The following LYST variants were observed in gnomAD, a reference collection of about 807,000 sequenced individuals.
The protein encoded by LYST is lysosomal-trafficking regulator.
A neutral mutation model predicts 413.6 loss-of-function variants in LYST; 192 were observed. The observed-to-expected ratio is 0.46, with a 90% CI of 0.41 to 0.52. The LOEUF is 0.52. Ranked by LOEUF, LYST falls within the 20% of genes least tolerant of loss-of-function variation. The pLI, the probability that LYST is intolerant of heterozygous loss-of-function variation, is 0.00. For missense variants in LYST, 3,815 were observed against 4,499.9 expected, an observed-to-expected ratio of 0.85 and a Z score of 4.35; for synonymous variants, 1,525 against 1,567.3, an observed-to-expected ratio of 0.97 and a Z score of 0.64.
chr1:235,786,256 T>G (rs1558242109), intron 14 of LYST, among the ~76,000 whole-genome samples: 1 of 152,110 alleles, frequency 6.6e-6, no homozygotes, highest in Non-Finnish European at 1.5e-5. Context: ...TGCATGAAAA[T>G]GACCAATAGG....
At chr1:235,833,383 CTTAATG>C (rs1676210045) in intron 2 of LYST, among the ~76,000 whole-genome samples, 189 bp downstream of exon 2, 1 of 152,108 alleles carries the variant, frequency 6.6e-6, no homozygotes, top group Non-Finnish European at 1.5e-5. Flanking sequence ...GCTTTTTCCT[CTTAATG>C]TTATGTTCAT....
intron 52 of LYST, among the ~76,000 whole-genome samples, chr1:235,663,490 G>GA (rs767448803): frequency 2.3e-4 from 35 of 151,702 alleles, no homozygotes; most frequent in Non-Finnish European, 1.3e-4. Flanking sequence ...AAGAGAAAAG[G>GA]AAAAAAATGT....
chr1:235,670,195 CA>C (rs1179520111), intron 50 of LYST, among the ~76,000 whole-genome samples: 1 of 152,220 alleles, frequency 6.6e-6, no homozygotes, highest in South Asian at 2.1e-4. Context: ...GCATATTTAC[CA>C]TATGTAGAAA....
At position 235,693,832 on chromosome 1, in the gene LYST, A is replaced by G. The variant is rs373281155; in HGVS notation, c.10565-346T>C. Among the ~76,000 whole-genome samples, 4 of 152,226 alleles carry G rather than the reference A, an allele frequency of 2.6e-5. No individual in the cohort carries two copies. In the East Asian group the frequency reaches 5.8e-4, roughly 22 times the overall value. On this transcript the variant is annotated intron_variant, in intron 46 of 52. Transcript: ENST00000389793. ...TTTCTTTTAAAAATAAATATGAACT[A>G]GATACTATTTAACTTTCTAGATACC... is the stretch of plus-strand genomic sequence containing the variant.
intron 1 of LYST, among the ~76,000 whole-genome samples, chr1:235,860,398 G>C (rs1308372932): frequency 6.6e-6 from 1 of 152,110 alleles, no homozygotes; most frequent in Non-Finnish European, 1.5e-5. Context: ...TCTTGATGTG[G>C]TATATTCTAT....
intron 47 of LYST, among the ~76,000 whole-genome samples, chr1:235,688,759 C>A (rs911035406): frequency 6.6e-6 from 1 of 151,826 alleles, no homozygotes; most frequent in Non-Finnish European, 1.5e-5. Flanking sequence ...CCGAGGCGGG[C>A]GGATCATGAG....
chr1:235,882,246 T>C (rs1041729795), intron 1 of LYST, among the ~76,000 whole-genome samples: 3 of 152,078 alleles, frequency 2.0e-5, no homozygotes, highest in East Asian at 3.9e-4. Flanking sequence ...GCTGAGGGAA[T>C]AGCATAGGAA....
At chr1:235,719,979 C>G (rs1663206792) in intron 40 of LYST, among the ~76,000 whole-genome samples, 1 of 151,792 alleles carries the variant, frequency 6.6e-6, no homozygotes, top group African/African-American at 2.4e-5. Flanking sequence ...AGATAGAGAC[C>G]ATCCTGGCCA....
intron 47 of LYST, among the ~76,000 whole-genome samples, chr1:235,688,391 T>C (rs1029120753): frequency 3.9e-5 from 6 of 152,238 alleles, no homozygotes; most frequent in African/African-American, 1.4e-4. Context: ...TAATCTAATA[T>C]GTGAACTAAA....
chr1:235,730,330 G>T (rs1664253414), intron 36 of LYST, among the ~76,000 whole-genome samples: 1 of 151,886 alleles, frequency 6.6e-6, no homozygotes, highest in South Asian at 2.1e-4. Flanking sequence ...AATAGATGAG[G>T]TAACTGAGAC....
intron 3 of LYST, among the ~76,000 whole-genome samples, chr1:235,814,243 G>A (rs1018155798): frequency 6.6e-6 from 1 of 152,122 alleles, no homozygotes; most frequent in African/African-American, 2.4e-5. Context: ...TATGGAGTCT[G>A]AGACGTCTAT....
chr1:235,693,016 A>C, intron 47 of LYST, among the ~76,000 whole-genome samples: 1 of 150,948 alleles, frequency 6.6e-6, no homozygotes, highest in Admixed American at 6.6e-5. Context: ...GCGACACTCT[A>C]AAATTAAAAA....
intron 14 of LYST, among the ~76,000 whole-genome samples, chr1:235,785,750 C>T (rs1338750742): frequency 1.3e-5 from 2 of 152,160 alleles, no homozygotes; most frequent in Non-Finnish European, 2.9e-5. Flanking sequence ...TAATCCTCTA[C>T]CATGCTACAT....
chr1:235,867,190 C>G (rs1680661220), upstream of LYST, among the ~76,000 whole-genome samples: 1 of 152,218 alleles, frequency 6.6e-6, no homozygotes, highest in Non-Finnish European at 1.5e-5. Flanking sequence ...GGTCGGGGGT[C>G]GTACCCTGGG....
rs148231834 is a variant in LYST at position 235,690,994 on chromosome 1, G to A, written c.10701+2356C>T. ...TGCAGTGGTGCAATCTTGGCTCACT[G>A]CAAGCTCCGCCTCCCGGGTTCACGC... is the stretch of plus-strand genomic sequence containing the variant. On this transcript the variant is annotated intron_variant, in intron 47 of 52. Coordinates refer to ENST00000389793, the MANE Select transcript of LYST (RefSeq NM_000081.4). Among the ~76,000 whole-genome samples, 474 of 151,452 alleles carry A rather than the reference G, an allele frequency of 3.1e-3. 2 individuals carry two copies. The highest frequency in any genetic ancestry group is 0.011 in the African/African-American group (442 of 41,274).
At chr1:235,737,739 T>A (rs1379393111) in intron 31 of LYST, 1 of 194,376 alleles carries the variant, frequency 5.1e-6, no homozygotes, top group African/African-American at 2.4e-5. Context: ...TATTTTAAAA[T>A]ACCTGAGCTC....
intron 31 of LYST, chr1:235,736,317 TAAGA>T (rs1257693648): frequency 2.0e-5 from 3 of 152,104 alleles, no homozygotes; most frequent in Non-Finnish European, 4.4e-5. Context: ...AAGAAGGTTC[TAAGA>T]AGGAAGAGTT....
intron 42 of LYST, chr1:235,712,474 A>G (rs1662473841): frequency 2.3e-6 from 1 of 438,536 alleles, no homozygotes; most frequent in Non-Finnish European, 3.2e-6. Flanking sequence ...CTATCAAAGT[A>G]GAATGAAAGT....
At chr1:235,706,201 A>G (rs1249581509) in intron 44 of LYST, among the ~76,000 whole-genome samples, 1 of 152,172 alleles carries the variant, frequency 6.6e-6, no homozygotes, top group African/African-American at 2.4e-5. Context: ...CACAACCCCA[A>G]AATTTCGTAC....
Sources: allele counts gnomAD v4.1 joint callset (sites outside exome capture counted in the v4.1 genomes callset), GRCh38; gene constraint gnomAD v4.1.1; transcripts MANE v1.5; gene names NCBI Gene and HGNC (gene_info 2026-07-23, HGNC 2026-07-21).